IL15: variants seen among roughly 807,000 people sequenced by gnomAD.
IL15 encodes interleukin 15.
A neutral mutation model predicts 19.6 loss-of-function variants in IL15; 11 were observed. The observed-to-expected ratio is 0.56, with a 90% CI of 0.35 to 0.93. The LOEUF is 0.93. Among genes scored for constraint, IL15 ranks in the 40% least tolerant of loss-of-function variants. The pLI, the probability that IL15 is intolerant of heterozygous loss-of-function variation, is 0.01. For missense variants in IL15, 197 were observed against 186.5 expected (o/e 1.06, Z -0.33); for synonymous variants, 58 against 59.6 (o/e 0.97, Z 0.12).
In IL15 at chr4:141,727,953, A is replaced by G. The variant is rs1379942024; in HGVS notation, c.209A>G (p.Asp70Gly). The part of the protein sequence containing the change: ...IEDLIQSMHI[D>G]ATLYTESDVH... ...GTTTCCTTTCAGTCTATGCATATTG[A>G]TGCTACTTTATATACGGAAAGTGAT... Residue 70 changes from aspartate to glycine, a missense_variant, in exon 6 of 8, where the codon GAT (aspartate) becomes GGT (glycine). Transcript: ENST00000320650. The G allele has an allele frequency of 7.5e-7, 1 of 1,331,194 alleles. No individual in the cohort carries two copies. The highest frequency in any genetic ancestry group is 1.3e-5 in the South Asian group (1 of 78,418). 82.5% of individuals were successfully genotyped at this position (1,331,194 alleles called of 1,614,324 possible). A position where few individuals can be genotyped will look rare whatever the true frequency, so the allele number is the denominator to read the frequency against.
At chr4:141,673,156 T>A (rs1728230533) in intron 2 of IL15, among the ~76,000 whole-genome samples, 1 of 152,194 alleles carries the variant, frequency 6.6e-6, no homozygotes, top group Non-Finnish European at 1.5e-5. Context: ...ATGAATTAAT[T>A]TGGGGTAGAA....
Position 141,720,498 on chromosome 4 carries a change from G to A in IL15, c.42G>A (p.Gln14=). The change falls in exon 4 of 8, where the codon CAG becomes CAA. Residue 14 remains glutamine, a synonymous_variant. Coordinates refer to ENST00000320650, the MANE Select transcript of IL15 (RefSeq NM_000585.5). ...CACATTTGAGAAGTATTTCCATCCA[G>A]TGCTACTTGTGTTTACTTCTAAACA... ...SKPHLRSISI[Q]CYLCLLLNSH... is the part of the protein sequence containing the mutation. 1 of 1,593,210 alleles carries A rather than the reference G, an allele frequency of 6.3e-7. No individual in the cohort carries two copies. Among genetic ancestry groups the A allele is most frequent in the Non-Finnish European group, 8.6e-7 (1 of 1,161,786 alleles).
At chr4:141,710,855 A>G (rs1330293511) in intron 2 of IL15, among the ~76,000 whole-genome samples, 1 of 152,038 alleles carries the variant, frequency 6.6e-6, no homozygotes, top group Non-Finnish European at 1.5e-5. Flanking sequence ...TGTATTTCAA[A>G]TTATCACAAA....
chr4:141,682,865 T>C (rs1157046063), intron 2 of IL15, among the ~76,000 whole-genome samples: 1 of 149,654 alleles, frequency 6.7e-6, no homozygotes, highest in Non-Finnish European at 1.5e-5. Flanking sequence ...GGCCCGGGAA[T>C]GGCATGAACC....
intron 7 of IL15, 35 bp from the exon 8 acceptor site, chr4:141,732,703 A>G: frequency 6.2e-7 from 1 of 1,601,884 alleles, no homozygotes; most frequent in Non-Finnish European, 8.5e-7. Flanking sequence ...ATTTAATTAT[A>G]AATTGCCAAT....
intron 2 of IL15, among the ~76,000 whole-genome samples, chr4:141,714,103 C>T (rs1729794823): frequency 6.6e-6 from 1 of 152,114 alleles, no homozygotes; most frequent in South Asian, 2.1e-4. Context: ...TGTCCCCATC[C>T]TCCTCCTGTC....
intron 2 of IL15, among the ~76,000 whole-genome samples, chr4:141,662,964 A>G (rs1419952536): frequency 6.6e-6 from 1 of 152,188 alleles, no homozygotes; most frequent in Admixed American, 6.5e-5. Context: ...TTTATTTATG[A>G]ATATCAGTGC....
intron 2 of IL15, among the ~76,000 whole-genome samples, chr4:141,673,355 G>T (rs1213249684): frequency 1.3e-5 from 2 of 152,070 alleles, no homozygotes; most frequent in South Asian, 4.1e-4. Context: ...TCATTAAATG[G>T]TTCTTTATAT....
At chr4:141,648,933 C>T (rs1192127626) in intron 1 of IL15, among the ~76,000 whole-genome samples, 3 of 152,054 alleles carry the variant, frequency 2.0e-5, no homozygotes, top group Non-Finnish European at 2.9e-5. Context: ...GTACATGGCT[C>T]CCTGCCAAGT....
At chr4:141,709,141 A>T (rs928205090) in intron 2 of IL15, among the ~76,000 whole-genome samples, 6 of 151,878 alleles carry the variant, frequency 4.0e-5, no homozygotes, top group African/African-American at 1.2e-4. Context: ...TCAATTTAAT[A>T]GTTCAATACT....
chr4:141,675,952 TAGAA>T (rs767708439), intron 2 of IL15, among the ~76,000 whole-genome samples: 1 of 151,926 alleles, frequency 6.6e-6, no homozygotes, highest in Non-Finnish European at 1.5e-5. Flanking sequence ...AATCATTAAA[TAGAA>T]AGGATATCTG....
intron 2 of IL15, among the ~76,000 whole-genome samples, chr4:141,657,973 TA>T (rs1727663040): frequency 6.6e-6 from 1 of 152,194 alleles, no homozygotes; most frequent in South Asian, 2.1e-4. Flanking sequence ...GGCAGCACAG[TA>T]AGTGTGTTTC....
At chr4:141,677,823 A>G (rs1205425335) in intron 2 of IL15, among the ~76,000 whole-genome samples, 1 of 152,238 alleles carries the variant, frequency 6.6e-6, no homozygotes, top group African/African-American at 2.4e-5. Context: ...AAGGTTAACT[A>G]TGCCATGTAA....
chr4:141,651,741 C>G (rs1354552568), intron 1 of IL15, among the ~76,000 whole-genome samples: 1 of 152,022 alleles, frequency 6.6e-6, no homozygotes, highest in African/African-American at 2.4e-5. Context: ...TCTTTGTTCT[C>G]ACTCCGTATT....
chr4:141,722,920 A>G (rs949127132), intron 5 of IL15, among the ~76,000 whole-genome samples: 1 of 152,194 alleles, frequency 6.6e-6, no homozygotes, highest in African/African-American at 2.4e-5. Flanking sequence ...AATGAATGAC[A>G]GAGGAATGAT....
At chr4:141,707,198 A>T (rs1469259950) in intron 2 of IL15, among the ~76,000 whole-genome samples, 1 of 152,018 alleles carries the variant, frequency 6.6e-6, no homozygotes. Flanking sequence ...ATTGTTAAAA[A>T]TTTCACTTGT....
intron 4 of IL15, chr4:141,721,484 A>G (rs1730078720): frequency 7.1e-6 from 4 of 566,324 alleles, no homozygotes; most frequent in South Asian, 1.5e-5. Context: ...AAAAAAATTT[A>G]CTATCAAAAT....
intron 2 of IL15, among the ~76,000 whole-genome samples, chr4:141,676,338 C>T (rs1728341369): frequency 6.6e-6 from 1 of 152,150 alleles, no homozygotes; most frequent in African/African-American, 2.4e-5. Context: ...CCCTATTCTG[C>T]ATTTGTTTTA....
intron 7 of IL15, among the ~76,000 whole-genome samples, chr4:141,731,631 G>A (rs1211042552): frequency 6.6e-6 from 1 of 152,086 alleles, no homozygotes; most frequent in Non-Finnish European, 1.5e-5. Context: ...GACCTGGATG[G>A]GAAGAATTTC....
Sources: allele counts gnomAD v4.1 joint callset (sites outside exome capture counted in the v4.1 genomes callset), GRCh38; gene constraint gnomAD v4.1.1; transcripts MANE v1.5; gene names NCBI Gene and HGNC (gene_info 2026-07-23, HGNC 2026-07-21).